Variants in SLC39A11 observed in about 807,000 individuals in gnomAD.
SLC39A11 encodes the protein zinc transporter ZIP11.
SLC39A11 carries 33 observed loss-of-function variants against 36.1 expected under a neutral mutation model. That is an observed-to-expected ratio of 0.91 (90% CI 0.69 to 1.22). The LOEUF is 1.22. SLC39A11 is among the 50% of genes most tolerant of loss of function. The pLI is 0.00. For missense variants in SLC39A11, 432 were observed against 430.3 expected, an observed-to-expected ratio of 1.00 and a Z score of -0.03; for synonymous variants, 166 against 170.3, an observed-to-expected ratio of 0.97 and a Z score of 0.20.
chr17:72,743,199 G>A (rs186000070), intron 6 of SLC39A11, among the ~76,000 whole-genome samples: 6 of 152,146 alleles, frequency 3.9e-5, no homozygotes, highest in South Asian at 2.1e-4. Context: ...CAGCTGGGGG[G>A]GCTAGAGCTG....
At chr17:72,877,597 G>T (rs1016020168) in intron 5 of SLC39A11, among the ~76,000 whole-genome samples, 3 of 152,122 alleles carry the variant, frequency 2.0e-5, no homozygotes, top group Non-Finnish European at 4.4e-5. Flanking sequence ...AAAATCTGAA[G>T]CTAGGAGAGA....
intron 6 of SLC39A11, among the ~76,000 whole-genome samples, chr17:72,813,132 C>CTG (rs759013943): frequency 1.4e-4 from 22 of 152,290 alleles, no homozygotes; most frequent in African/African-American, 3.1e-4. Context: ...GGATGCCTTG[C>CTG]TATTGGTCTT....
chr17:72,662,439 A>G (rs976300781), intron 7 of SLC39A11, among the ~76,000 whole-genome samples: 1 of 149,576 alleles, frequency 6.7e-6, no homozygotes, highest in Non-Finnish European at 1.5e-5. Context: ...AAGAAAAAGA[A>G]AGAAAAGAAA....
At chr17:73,054,064 A>G (rs1391003562) in intron 3 of SLC39A11, among the ~76,000 whole-genome samples, 10 of 152,116 alleles carry the variant, frequency 6.6e-5, no homozygotes, top group Admixed American at 2.6e-4. Flanking sequence ...AGCCAACCCC[A>G]AAGAAAATCT....
At chr17:73,057,417 C>T (rs780375265) in intron 3 of SLC39A11, among the ~76,000 whole-genome samples, 11 of 152,144 alleles carry the variant, frequency 7.2e-5, no homozygotes, top group Admixed American at 2.0e-4. Context: ...CAATTCTGAC[C>T]GCACCTTTTC....
intron 4 of SLC39A11, among the ~76,000 whole-genome samples, chr17:73,023,485 T>C (rs747403755): frequency 6.6e-5 from 10 of 151,958 alleles, no homozygotes; most frequent in Non-Finnish European, 1.2e-4. Flanking sequence ...TTTTTTTTGT[T>C]GTTGTTTGTT....
chr17:72,727,425 G>GC (rs1431550180), intron 7 of SLC39A11, among the ~76,000 whole-genome samples: 1 of 151,820 alleles, frequency 6.6e-6, no homozygotes, highest in African/African-American at 2.4e-5. Context: ...AGGCCGAGGC[G>GC]GGTGGATCAC....
intron 3 of SLC39A11, among the ~76,000 whole-genome samples, chr17:73,034,023 C>T (rs1431458247): frequency 2.0e-5 from 3 of 152,146 alleles, no homozygotes; most frequent in Non-Finnish European, 2.9e-5. Context: ...GAGGCTGATC[C>T]GTTCAACTCC....
intron 9 of SLC39A11, among the ~76,000 whole-genome samples, chr17:72,648,255 G>C (rs2069660828): frequency 6.7e-6 from 1 of 149,658 alleles, no homozygotes; most frequent in Non-Finnish European, 1.5e-5. Flanking sequence ...ACTTGAACCT[G>C]GGGGGCGGAG....
At chr17:72,753,889 CAA>C (rs35076559) in intron 6 of SLC39A11, among the ~76,000 whole-genome samples, 5,436 of 51,468 alleles carry the variant, frequency 0.11, 44 homozygotes, top group Middle Eastern at 0.22. Context: ...AGTCATTATA[CAA>C]AAAAAAAAAA....
intron 3 of SLC39A11, among the ~76,000 whole-genome samples, chr17:73,043,341 C>T (rs181059991): frequency 6.6e-6 from 1 of 152,200 alleles, no homozygotes; most frequent in Non-Finnish European, 1.5e-5. Context: ...TGAAACCAGG[C>T]AGAATGGTTT....
intron 6 of SLC39A11, among the ~76,000 whole-genome samples, chr17:72,775,926 T>G (rs1346573167): frequency 1.3e-5 from 2 of 152,224 alleles, no homozygotes; most frequent in African/African-American, 4.8e-5. Flanking sequence ...ACAGAACTCC[T>G]CCACTGGCTC....
At chr17:72,919,564 C>A (rs1017215082) in intron 5 of SLC39A11, among the ~76,000 whole-genome samples, 1 of 148,160 alleles carries the variant, frequency 6.7e-6, no homozygotes, top group African/African-American at 2.5e-5. Flanking sequence ...CCCAGCTACT[C>A]GGGGGGCTGA....
chr17:73,066,825 A>G (rs539527102), intron 3 of SLC39A11, among the ~76,000 whole-genome samples: 11 of 152,348 alleles, frequency 7.2e-5, no homozygotes, highest in African/African-American at 2.6e-4. Context: ...CTACTCCTGG[A>G]TATTTTAATT....
intron 6 of SLC39A11, among the ~76,000 whole-genome samples, chr17:72,744,150 T>C (rs1489043195): frequency 6.6e-6 from 1 of 152,166 alleles, no homozygotes; most frequent in Non-Finnish European, 1.5e-5. Context: ...TCTTAGTATA[T>C]TATTTAAGGT....
intron 4 of SLC39A11, among the ~76,000 whole-genome samples, chr17:73,004,179 G>GAA (rs1390231957): frequency 1.3e-5 from 1 of 76,256 alleles, no homozygotes; most frequent in Non-Finnish European, 2.6e-5. Flanking sequence ...AAGAAAGAAA[G>GAA]AAAGAAAGAA....
At chr17:73,059,574 G>C (rs1226035923) in intron 3 of SLC39A11, among the ~76,000 whole-genome samples, 1 of 150,874 alleles carries the variant, frequency 6.6e-6, no homozygotes, top group African/African-American at 2.4e-5. Context: ...AGAATCACTT[G>C]AACCTGGGAA....
At chr17:73,039,548 G>A (rs970919691) in intron 3 of SLC39A11, among the ~76,000 whole-genome samples, 1 of 152,100 alleles carries the variant, frequency 6.6e-6, no homozygotes, top group Non-Finnish European at 1.5e-5. Flanking sequence ...ATCAGGAAGT[G>A]ATTCAACACC....
At chr17:73,067,109 G>A (rs535768783) in intron 3 of SLC39A11, among the ~76,000 whole-genome samples, 11 of 152,292 alleles carry the variant, frequency 7.2e-5, no homozygotes, top group African/African-American at 2.4e-4. Context: ...AGTTCTCTCC[G>A]CACTAGGCTG....
Sources: allele counts gnomAD v4.1 joint callset (sites outside exome capture counted in the v4.1 genomes callset), GRCh38; gene constraint gnomAD v4.1.1; transcripts MANE v1.5; gene names NCBI Gene and HGNC (gene_info 2026-07-23, HGNC 2026-07-21).